Variants in PTPRT observed in about 807,000 individuals in gnomAD.
PTPRT encodes protein tyrosine phosphatase receptor type T, also known as receptor-type tyrosine-protein phosphatase T.
Under a neutral mutation model 176.8 loss-of-function variants are expected in PTPRT, and 56 were observed. That is an observed-to-expected ratio of 0.32 (90% CI 0.26 to 0.40). The LOEUF (loss-of-function observed/expected upper bound fraction) is 0.40. Among genes scored for constraint, PTPRT ranks in the 10% least tolerant of loss-of-function variants. The pLI is 1.00. For synonymous variants in PTPRT, 783 were observed against 739.0 expected, an observed-to-expected ratio of 1.06 and a Z score of -0.96; for missense variants, 1,540 against 1,908.2, an observed-to-expected ratio of 0.81 and a Z score of 3.60.
At chr20:42,528,477 T>C (rs2072318637) in intron 7 of PTPRT, among the ~76,000 whole-genome samples, 1 of 152,022 alleles carries the variant, frequency 6.6e-6, no homozygotes, top group Admixed American at 6.6e-5. Flanking sequence ...AAATGAATAG[T>C]TCAATATTTC....
intron 9 of PTPRT, among the ~76,000 whole-genome samples, chr20:42,370,190 A>T (rs959717471): frequency 6.6e-6 from 1 of 152,202 alleles, no homozygotes; most frequent in African/African-American, 2.4e-5. Context: ...CTGAATGTCA[A>T]TGCCTTCATT....
chr20:43,014,257 C>T (rs1443481631), intron 1 of PTPRT, among the ~76,000 whole-genome samples: 1 of 152,178 alleles, frequency 6.6e-6, no homozygotes, highest in African/African-American at 2.4e-5. Context: ...AAGTCTGTCG[C>T]TCTGTTATCT....
chr20:42,798,965 G>A (rs111896226), intron 2 of PTPRT, among the ~76,000 whole-genome samples: 3 of 151,800 alleles, frequency 2.0e-5, no homozygotes, highest in South Asian at 2.1e-4. Context: ...TGTGCACGTG[G>A]GTCTTTTCCT....
chr20:42,951,177 TG>T (rs1186682268), intron 1 of PTPRT, among the ~76,000 whole-genome samples: 1 of 152,070 alleles, frequency 6.6e-6, no homozygotes, highest in Non-Finnish European at 1.5e-5. Context: ...GATAGATGGA[TG>T]GGTAAACAGG....
chr20:42,742,792 G>A (rs761662097), intron 6 of PTPRT, among the ~76,000 whole-genome samples: 1 of 152,204 alleles, frequency 6.6e-6, no homozygotes, highest in Non-Finnish European at 1.5e-5. Flanking sequence ...CAGAAAACAT[G>A]AGGCAAGAAA....
At chr20:42,134,510 TG>T (rs1988280212) in intron 18 of PTPRT, among the ~76,000 whole-genome samples, 1 of 152,064 alleles carries the variant, frequency 6.6e-6, no homozygotes, top group Non-Finnish European at 1.5e-5. Context: ...AAGGGAGACA[TG>T]GTACCAAGAC....
rs34284587 is a variant in PTPRT at position 42,118,445 on chromosome 20, G to A, written c.2940C>T (p.Ser980=). ...DFWRMIWQEN[S]ASIVMVTNLV... ...GGTTTGTGACCATGACGATGCTGGC[G>A]GAGTTCTCCTGCCAGATCATTCTCC... Residue 980 remains serine, a synonymous_variant, in exon 21 of 31, where the codon TCC becomes TCT. Coordinates refer to ENST00000373187, the MANE Select transcript of PTPRT (RefSeq NM_007050.6). 1,710 of 1,613,102 alleles carry A rather than the reference G, an allele frequency of 1.1e-3. 21 individuals carry two copies. The African/African-American group carries it at 0.02, about 19-fold the overall frequency.
intron 1 of PTPRT, among the ~76,000 whole-genome samples, chr20:42,886,652 G>T (rs927009843): frequency 2.6e-5 from 4 of 152,180 alleles, no homozygotes; most frequent in African/African-American, 9.7e-5. Context: ...AACTTTAAAG[G>T]TCAAGCCATC....
Position 42,634,022 on chromosome 20 carries a change from AAT to A in PTPRT, c.1153+43842_1153+43843del, listed in dbSNP as rs1408398599. The stretch of plus-strand genomic sequence containing the variant: ...TATTATATATATATAATATATATAT[AAT>A]ATATATATTATATATATTATATATA... On this transcript the variant is annotated intron_variant, in intron 7 of 30. Coordinates refer to ENST00000373187, the MANE Select transcript of PTPRT (RefSeq NM_007050.6). Among the ~76,000 whole-genome samples, 43 of 29,574 alleles carry A rather than the reference AAT, an allele frequency of 1.5e-3. 2 individuals are homozygous for A. Among genetic ancestry groups the A allele is most frequent in the Admixed American group, 2.0e-3 (3 of 1,464 alleles). 19.4% of individuals were successfully genotyped at this position (29,574 alleles called of 152,430 possible).
chr20:42,479,526 G>A (rs966922150), intron 7 of PTPRT, among the ~76,000 whole-genome samples: 5 of 152,114 alleles, frequency 3.3e-5, no homozygotes, highest in African/African-American at 7.2e-5. Context: ...AAAAGGTAAG[G>A]GGAACAAAAA....
chr20:42,182,872 G>A (rs1311157753), intron 16 of PTPRT, among the ~76,000 whole-genome samples: 5 of 151,370 alleles, frequency 3.3e-5, no homozygotes, highest in South Asian at 4.2e-4. Flanking sequence ...GGCCATACCC[G>A]TTGGGTTGTA....
chr20:42,316,104 G>A (rs959266227), intron 11 of PTPRT, 108 bp from the exon 12 acceptor site: 24 of 1,272,058 alleles, frequency 1.9e-5, no homozygotes, highest in African/African-American at 5.9e-5. Flanking sequence ...GCATTGGTTC[G>A]GTCTACAACA....
At chr20:42,603,682 G>A (rs972895787) in intron 7 of PTPRT, among the ~76,000 whole-genome samples, 4 of 152,206 alleles carry the variant, frequency 2.6e-5, no homozygotes, top group Admixed American at 2.6e-4. Flanking sequence ...GTGAAGAATG[G>A]ATAAAAGGAG....
At chr20:42,795,751 T>C (rs2077445399) in intron 2 of PTPRT, among the ~76,000 whole-genome samples, 1 of 152,250 alleles carries the variant, frequency 6.6e-6, no homozygotes. Flanking sequence ...CACTCCAGCT[T>C]CTGGCATTTC....
chr20:43,096,492 G>A lies in PTPRT; in HGVS notation c.88+93154C>T, dbSNP rs186894379. 5.9e-4 allele frequency among the ~76,000 whole-genome samples: 90 copies of A among 152,278 alleles called. 1 individual carries two copies. Among genetic ancestry groups the A allele is most frequent in the African/African-American group, 1.9e-3 (77 of 41,564 alleles). On this transcript the variant is annotated intron_variant, in intron 1 of 30. Transcript: ENST00000373187. ...CCTAATCCTCATGCAGGAGCTCTGC[G>A]CCCCATTCAGCAGCTGGGCCCCTCC...
At chr20:42,939,596 T>A (rs374682711) in intron 1 of PTPRT, among the ~76,000 whole-genome samples, 48 of 152,294 alleles carry the variant, frequency 3.2e-4, no homozygotes, top group African/African-American at 1.1e-3. Context: ...TCTTTTTCAT[T>A]CCTTCATCTA....
chr20:42,425,760 A>G (rs2059157690), intron 9 of PTPRT, among the ~76,000 whole-genome samples: 1 of 152,200 alleles, frequency 6.6e-6, no homozygotes, highest in African/African-American at 2.4e-5. Context: ...ACACTTCAAT[A>G]AAGCTGGGGT....
intron 1 of PTPRT, among the ~76,000 whole-genome samples, chr20:42,946,340 T>C (rs891934353): frequency 6.6e-6 from 1 of 152,212 alleles, no homozygotes; most frequent in African/African-American, 2.4e-5. Context: ...AGTCCAGCCC[T>C]GGCCAGTCCT....
At chr20:42,975,793 T>C (rs150179093) in intron 1 of PTPRT, among the ~76,000 whole-genome samples, 53 of 152,168 alleles carry the variant, frequency 3.5e-4, no homozygotes, top group East Asian at 3.3e-3. Flanking sequence ...GGCTAAAACA[T>C]TAAAACCACC....
Sources: gnomAD v4.1 joint callset for allele counts (sites outside exome capture counted in the v4.1 genomes callset) on GRCh38, gnomAD v4.1.1 for gene constraint, MANE v1.5 for transcripts, NCBI Gene and HGNC (gene_info 2026-07-23, HGNC 2026-07-21) for gene names.